The following GRM5 variants were observed in gnomAD, a reference collection of about 807,000 sequenced individuals.
The protein encoded by GRM5 is metabotropic glutamate receptor 5.
Under a neutral mutation model 83.1 loss-of-function variants are expected in GRM5, and 19 were observed. The observed-to-expected ratio is 0.23, with a 90% CI of 0.16 to 0.34. GRM5 has a LOEUF of 0.34. GRM5 is among the 10% of genes least tolerant of loss of function. GRM5 has a pLI of 1.00. For missense variants in GRM5, 1,160 were observed against 1,588.3 expected (o/e 0.73, Z 4.58); for synonymous variants, 675 against 633.6 (o/e 1.07, Z -0.98).
rs1305771764 is a variant in GRM5 at position 88,525,326 on chromosome 11, C to T, written c.2709G>A (p.Gly903=). 3 of 1,605,848 alleles carry T rather than the reference C, an allele frequency of 1.9e-6. No homozygotes were observed. Among genetic ancestry groups the T allele is most frequent in the Admixed American group, 1.7e-5 (1 of 59,994 alleles). ...TTGCTTACCTGCTCATTGTTGCTCT[C>T]CCACCATTCCCCATACTCCCTTTGG... ...FTPKGSMGNG[G]RATMSSSNGK... Residue 903 remains glycine (G), a synonymous_variant, in exon 9 of 10, where the codon GGG becomes GGA. Coordinates refer to ENST00000305447, the MANE Select transcript of GRM5 (RefSeq NM_001143831.3).
At chr11:88,584,093 G>A (rs1436624187) in intron 7 of GRM5, among the ~76,000 whole-genome samples, 1 of 151,748 alleles carries the variant, frequency 6.6e-6, no homozygotes, top group African/African-American at 2.4e-5. Context: ...AGCGCAAATA[G>A]TATGGAATCA....
intron 2 of GRM5, among the ~76,000 whole-genome samples, chr11:88,903,960 G>T (rs1467561008): frequency 6.6e-6 from 1 of 152,150 alleles, no homozygotes; most frequent in Non-Finnish European, 1.5e-5. Context: ...TTCATGCTGA[G>T]TGAGATGGAA....
chr11:88,815,291 A>G (rs541021725), intron 3 of GRM5, among the ~76,000 whole-genome samples: 8 of 152,376 alleles, frequency 5.3e-5, no homozygotes, highest in African/African-American at 1.9e-4. Flanking sequence ...AAAATCTTCA[A>G]TATTTGGGAA....
rs144754522 is a variant in GRM5 at position 88,666,864 on chromosome 11, ATGT to A, written c.912-13464_912-13462del. 2.6e-5 allele frequency among the ~76,000 whole-genome samples: 4 copies of A among 152,312 alleles called. No homozygotes were observed. In the East Asian group the frequency reaches 5.8e-4, roughly 22 times the overall value. On this transcript the variant is annotated intron_variant, in intron 3 of 9. Coordinates refer to ENST00000305447, the MANE Select transcript of GRM5 (RefSeq NM_001143831.3). ...TAGATTACCTCTACAATTTTTATAC[ATGT>A]TGTCTATCATTTCAGTAGTAAATGG...
intron 7 of GRM5, among the ~76,000 whole-genome samples, chr11:88,578,305 G>A (rs1943155478): frequency 6.6e-6 from 1 of 152,096 alleles, no homozygotes; most frequent in African/African-American, 2.4e-5. Context: ...CATTTTCCAA[G>A]TAGGTTAGAT....
At chr11:88,848,923 T>G (rs1944343147) in intron 3 of GRM5, among the ~76,000 whole-genome samples, 1 of 152,214 alleles carries the variant, frequency 6.6e-6, no homozygotes, top group East Asian at 1.9e-4. Flanking sequence ...GTAATGTTTT[T>G]TGCCTGATAG....
rs539594070 is a variant in GRM5, at chr11:88,571,441, A to G, written c.1691-3449T>C. Among the ~76,000 whole-genome samples, 3 of 152,324 alleles carry G rather than the reference A, an allele frequency of 2.0e-5. No individual in the cohort carries two copies. The South Asian group carries it at 6.2e-4, about 32-fold the overall frequency. On this transcript the variant is annotated intron_variant, in intron 7 of 9. Coordinates refer to ENST00000305447, the MANE Select transcript of GRM5 (RefSeq NM_001143831.3). ...AAAATACTGTTGTAACTATTCTCTA[A>G]GAATAGCAAACTGGACTCTGATTAA...
chr11:89,005,926 T>G (rs1591041033), intron 2 of GRM5, among the ~76,000 whole-genome samples: 1 of 152,076 alleles, frequency 6.6e-6, no homozygotes, highest in South Asian at 2.1e-4. Flanking sequence ...TGCAGTCTAG[T>G]AGAGAAAGAA....
chr11:88,940,366 A>C (rs1938049182), intron 2 of GRM5, among the ~76,000 whole-genome samples: 1 of 148,902 alleles, frequency 6.7e-6, no homozygotes, highest in African/African-American at 2.5e-5. Context: ...CTCCAGGGAC[A>C]ATTTTTTTTT....
intron 2 of GRM5, among the ~76,000 whole-genome samples, chr11:88,990,376 T>C (rs1473269431): frequency 6.7e-6 from 1 of 150,196 alleles, no homozygotes; most frequent in African/African-American, 2.4e-5. Context: ...ATCAATAGCT[T>C]ACCAACCAAA....
At chr11:88,782,305 G>A (rs865863957) in intron 3 of GRM5, among the ~76,000 whole-genome samples, 1 of 152,102 alleles carries the variant, frequency 6.6e-6, no homozygotes, top group African/African-American at 2.4e-5. Context: ...ACAGTTCCAC[G>A]TGTCTAGGGA....
At chr11:88,582,902 A>G (rs529440354) in intron 7 of GRM5, among the ~76,000 whole-genome samples, 15 of 151,572 alleles carry the variant, frequency 9.9e-5, no homozygotes, top group Non-Finnish European at 2.1e-4. Context: ...TAGCATAAAA[A>G]CCCCAGAATC....
chr11:89,025,281 T>G (rs1360754908), intron 2 of GRM5, among the ~76,000 whole-genome samples: 1 of 152,210 alleles, frequency 6.6e-6, no homozygotes, highest in Non-Finnish European at 1.5e-5. Context: ...GACAATAAAT[T>G]GTAAGCTCAG....
At chr11:88,636,286 T>G (rs7112929) in intron 4 of GRM5, among the ~76,000 whole-genome samples, 108,596 of 152,132 alleles carry the variant, frequency 0.71, 38,972 homozygotes, top group South Asian at 0.84. Flanking sequence ...CCAAGGTGGG[T>G]GGATCACTTG....
chr11:88,732,466 C>T (rs1941828602), intron 3 of GRM5, among the ~76,000 whole-genome samples: 1 of 152,078 alleles, frequency 6.6e-6, no homozygotes, highest in African/African-American at 2.4e-5. Context: ...ATGTGCCACA[C>T]ACTGTGCTGG....
intron 4 of GRM5, among the ~76,000 whole-genome samples, chr11:88,607,133 A>T (rs1938175323): frequency 6.6e-6 from 1 of 152,122 alleles, no homozygotes; most frequent in Admixed American, 6.5e-5. Flanking sequence ...ACATAATATA[A>T]GATGGGAAAT....
chr11:88,647,638 A>C (rs953591264), intron 4 of GRM5, among the ~76,000 whole-genome samples: 3 of 152,018 alleles, frequency 2.0e-5, no homozygotes, highest in Admixed American at 1.3e-4. Context: ...GCAACAAAAG[A>C]CAAAATTGAC....
intron 3 of GRM5, among the ~76,000 whole-genome samples, chr11:88,754,394 G>A (rs1332672912): frequency 3.3e-5 from 5 of 152,024 alleles, no homozygotes; most frequent in Non-Finnish European, 5.9e-5. Context: ...CCTATATAAC[G>A]AACCTGCCCA....
intron 2 of GRM5, among the ~76,000 whole-genome samples, chr11:88,919,133 G>A (rs547626691): frequency 1.4e-5 from 2 of 145,644 alleles, no homozygotes; most frequent in South Asian, 4.4e-4. Flanking sequence ...TCAACAATAT[G>A]CTGCCTTCAA....
Sources: gnomAD v4.1 joint callset for allele counts (sites outside exome capture counted in the v4.1 genomes callset) on GRCh38, gnomAD v4.1.1 for gene constraint, MANE v1.5 for transcripts, NCBI Gene and HGNC (gene_info 2026-07-23, HGNC 2026-07-21) for gene names.